SH3RF3: variants seen among roughly 807,000 people sequenced by gnomAD.
SH3RF3 encodes the protein SH3 domain containing ring finger 3, also known as E3 ubiquitin-protein ligase SH3RF3.
A neutral mutation model predicts 66.3 loss-of-function variants in SH3RF3; 29 were observed. That is an observed-to-expected ratio of 0.44 (90% CI 0.33 to 0.60). SH3RF3 has a LOEUF of 0.60. Among genes scored for constraint, SH3RF3 ranks in the 20% least tolerant of loss-of-function variants. SH3RF3 has a pLI of 0.04. For missense variants in SH3RF3, 1,194 were observed against 1,190.9 expected, an observed-to-expected ratio of 1.00 and a Z score of -0.04; for synonymous variants, 583 against 532.0, an observed-to-expected ratio of 1.10 and a Z score of -1.32.
At chr2:109,413,943 C>T (rs944328535) in intron 4 of SH3RF3, among the ~76,000 whole-genome samples, 1 of 152,248 alleles carries the variant, frequency 6.6e-6, no homozygotes, top group Non-Finnish European at 1.5e-5. Context: ...CCCCAGGAAG[C>T]GCCTGTGCAT....
chr2:109,305,574 TAG>T (rs1488245439), intron 1 of SH3RF3, among the ~76,000 whole-genome samples: 3 of 152,134 alleles, frequency 2.0e-5, no homozygotes, highest in African/African-American at 7.2e-5. Context: ...GTACAAGCAG[TAG>T]AGAGTCTCAG....
At chr2:109,297,181 G>A (rs1366959522) in intron 1 of SH3RF3, among the ~76,000 whole-genome samples, 1 of 151,904 alleles carries the variant, frequency 6.6e-6, no homozygotes, top group Admixed American at 6.6e-5. Context: ...CAGGGCCTCT[G>A]CAGGGGGGTG....
chr2:109,413,962 TC>T (rs1201767931), intron 4 of SH3RF3, among the ~76,000 whole-genome samples: 3 of 152,200 alleles, frequency 2.0e-5, no homozygotes, highest in African/African-American at 7.2e-5. Flanking sequence ...ATGTCAGCAT[TC>T]CCAAGACCAG....
chr2:109,439,447 A>G (rs576385252), intron 7 of SH3RF3, among the ~76,000 whole-genome samples: 95 of 152,322 alleles, frequency 6.2e-4, no homozygotes, highest in African/African-American at 2.3e-3. Context: ...CACTGTTGAC[A>G]GTCCAAGTAA....
intron 1 of SH3RF3, among the ~76,000 whole-genome samples, chr2:109,162,007 T>C (rs1013050722): frequency 1.3e-5 from 2 of 152,130 alleles, no homozygotes; most frequent in African/African-American, 2.4e-5. Context: ...CAGAAAGTAC[T>C]TCCCCTCCTC....
At chr2:109,292,684 G>C (rs968941291) in intron 1 of SH3RF3, among the ~76,000 whole-genome samples, 3 of 152,150 alleles carry the variant, frequency 2.0e-5, no homozygotes, top group Non-Finnish European at 2.9e-5. Context: ...GTGCTGAGAG[G>C]AGCACAAACC....
rs1677298930 is a variant in SH3RF3 at position 109,433,281 on chromosome 2, C to T, written c.1574+610C>T. 2.0e-5 allele frequency among the ~76,000 whole-genome samples: 3 copies of T among 152,334 alleles called. No homozygotes were observed. The South Asian group carries it at 6.2e-4, about 32-fold the overall frequency. On this transcript the variant is annotated intron_variant, in intron 6 of 9. Transcript: ENST00000309415. ...ATATGCAAAGGAAAAATGATATCTT[C>T]CCAAAGGTCAACGATTGTTGAGTGG...
chr2:109,273,088 G>A (rs1391614412), intron 1 of SH3RF3, among the ~76,000 whole-genome samples: 4 of 152,166 alleles, frequency 2.6e-5, no homozygotes, highest in East Asian at 1.9e-4. Context: ...TGAGTATTTC[G>A]GGTTGAAGAG....
chr2:109,312,068 C>A (rs2105429850), intron 1 of SH3RF3, among the ~76,000 whole-genome samples: 1 of 152,184 alleles, frequency 6.6e-6, no homozygotes, highest in South Asian at 2.1e-4. Flanking sequence ...ACTAGGGGAA[C>A]CTTGGTGTAT....
intron 8 of SH3RF3, among the ~76,000 whole-genome samples, chr2:109,482,591 AAG>A (rs199733252): frequency 7.2e-5 from 11 of 152,154 alleles, no homozygotes; most frequent in East Asian, 1.9e-4. Context: ...CATGACCCCT[AAG>A]AGGGGGAGAG....
chr2:109,197,458 G>A (rs2043077), intron 1 of SH3RF3, among the ~76,000 whole-genome samples: 123,810 of 152,080 alleles, frequency 0.81, 50,546 homozygotes, highest in East Asian at 0.89. Context: ...GTAAATGGGG[G>A]TGAGGCTCTC....
intron 1 of SH3RF3, among the ~76,000 whole-genome samples, chr2:109,306,348 C>T (rs1253533556): frequency 6.6e-6 from 1 of 152,238 alleles, no homozygotes; most frequent in Non-Finnish European, 1.5e-5. Context: ...GCCTCCAACC[C>T]CTGCGCATAC....
rs189733490 is a variant in SH3RF3, at chr2:109,317,980, C to T, written c.574-29694C>T. 2.0e-5 allele frequency among the ~76,000 whole-genome samples: 3 copies of T among 151,928 alleles called. No individual in the cohort carries two copies. The East Asian group carries it at 5.9e-4, about 30-fold the overall frequency. ...TCCTGATGGATTCTGTGGCAAAGGC[C>T]AAGGATGGCCTGCATCTGAACGGAA... On this transcript the variant is annotated intron_variant, in intron 1 of 9. Transcript: ENST00000309415.
intron 1 of SH3RF3, among the ~76,000 whole-genome samples, chr2:109,209,985 C>G (rs56695078): frequency 0.031 from 4,750 of 152,260 alleles, 212 homozygotes; most frequent in African/African-American, 0.1. Flanking sequence ...CACGCTCAGC[C>G]CCCCCAGTAA....
rs528947587 is a variant in SH3RF3, at chr2:109,481,543, C to CAATG, written c.2149-9062_2149-9061insAATG. Among the ~76,000 whole-genome samples, 209 of 152,194 alleles carry CAATG rather than the reference C, an allele frequency of 1.4e-3. 1 individual carries two copies. Among genetic ancestry groups the CAATG allele is most frequent in the African/African-American group, 4.6e-3 (189 of 41,528 alleles). ...GGAAGTTTCCAGAAGGCTGTAGATG[C>CAATG]GTAGCTGGCTGTCCAGTCCCATTGC... On this transcript the variant is annotated intron_variant, in intron 8 of 9. Coordinates refer to ENST00000309415, the MANE Select transcript of SH3RF3 (RefSeq NM_001099289.3).
intron 1 of SH3RF3, among the ~76,000 whole-genome samples, chr2:109,213,594 CAGCTGTGTCCA>C (rs1315226168): frequency 6.6e-6 from 1 of 152,172 alleles, no homozygotes; most frequent in Non-Finnish European, 1.5e-5. Context: ...GGGTGGACAC[CAGCTGTGTCCA>C]ACACAGCAGG....
intron 1 of SH3RF3, among the ~76,000 whole-genome samples, chr2:109,251,194 G>A (rs1680083295): frequency 6.6e-6 from 1 of 151,824 alleles, no homozygotes; most frequent in Admixed American, 6.6e-5. Flanking sequence ...GTAGAGATGG[G>A]GTTTCACCAT....
At chr2:109,353,413 C>T (rs1682880726) in intron 2 of SH3RF3, among the ~76,000 whole-genome samples, 1 of 152,226 alleles carries the variant, frequency 6.6e-6, no homozygotes. Context: ...CACTGAGACT[C>T]CCTGTCCACA....
chr2:109,177,359 A>G (rs1198924298), intron 1 of SH3RF3, among the ~76,000 whole-genome samples: 1 of 152,186 alleles, frequency 6.6e-6, no homozygotes, highest in Non-Finnish European at 1.5e-5. Flanking sequence ...AAGGGACTGC[A>G]ACTAACCAGG....
Sources: gnomAD v4.1 joint callset for allele counts (sites outside exome capture counted in the v4.1 genomes callset) on GRCh38, gnomAD v4.1.1 for gene constraint, MANE v1.5 for transcripts, NCBI Gene and HGNC (gene_info 2026-07-23, HGNC 2026-07-21) for gene names.